The following CROCC variants were observed in gnomAD, a reference collection of about 807,000 sequenced individuals.
The protein encoded by CROCC is rootletin.
A neutral mutation model predicts 245.2 loss-of-function variants in CROCC; 180 were observed. That is an observed-to-expected ratio of 0.73 (90% confidence interval 0.65 to 0.83). The LOEUF is 0.83. Ranked by LOEUF, CROCC falls within the 40% of genes least tolerant of loss-of-function variation. The pLI, the probability that CROCC is intolerant of heterozygous loss-of-function variation, is 0.00. For missense variants in CROCC, 2,688 were observed against 2,779.4 expected, an observed-to-expected ratio of 0.97 and a Z score of 0.74; for synonymous variants, 1,205 against 1,241.6, an observed-to-expected ratio of 0.97 and a Z score of 0.62.
At chr1:16,949,083 G>C (rs1462740790) in intron 19 of CROCC, among the ~76,000 whole-genome samples, 157 bp downstream of exon 19, 319 of 151,984 alleles carry the variant, frequency 2.1e-3, no homozygotes, top group Admixed American at 0.02. Flanking sequence ...ACCTTCCCTT[G>C]AGCAAGCCCC....
chr1:16,921,321 A>G (rs1345051069), upstream of CROCC, among the ~76,000 whole-genome samples: 1 of 152,290 alleles, frequency 6.6e-6, no homozygotes, highest in Non-Finnish European at 1.5e-5. Context: ...CTGAAGGGCA[A>G]GGCTAGGGCA....
chr1:16,931,943 T>C (rs1288339335), intron 8 of CROCC, among the ~76,000 whole-genome samples: 2 of 152,052 alleles, frequency 1.3e-5, no homozygotes, highest in African/African-American at 4.8e-5. Flanking sequence ...TTTTTTTGTA[T>C]TTTAGTAGAG....
At chr1:16,947,698 C>G (rs1222136331) in intron 17 of CROCC, among the ~76,000 whole-genome samples, 3 of 152,226 alleles carry the variant, frequency 2.0e-5, no homozygotes, top group African/African-American at 4.8e-5. Context: ...CAGGTCTCCA[C>G]CTTGAGGCCT....
rs1015527730 is a variant in CROCC at position 16,961,873 on chromosome 1, C to T, written c.4405+743C>T. Among the ~76,000 whole-genome samples the T allele has an allele frequency of 7.2e-5, 11 of 152,148 alleles. No individual in the cohort carries two copies. In the South Asian group the frequency reaches 2.1e-3, roughly 29 times the overall value. On this transcript the variant is annotated intron_variant, in intron 27 of 36. Coordinates refer to ENST00000375541, the MANE Select transcript of CROCC (RefSeq NM_014675.5). ...GCGATCCTCCCACTGGGATTACAGG[C>T]GTGAGCCACCGTGCCTTTCCTGGAC...
At position 16,961,644 on chromosome 1, in the gene CROCC, C is replaced by T. The variant is rs118117327; in HGVS notation, c.4405+514C>T. On this transcript the variant is annotated intron_variant, in intron 27 of 36. Transcript: ENST00000375541. ...TTTGAGACAGGATCTCACTCTGTCA[C>T]CTCAGTTGAAGTGCAGTAGTGTGAT... Among the ~76,000 whole-genome samples, 31 of 152,244 alleles carry T rather than the reference C, an allele frequency of 2.0e-4. No individual in the cohort carries two copies. The East Asian group carries it at 6.0e-3, about 29-fold the overall frequency.
At chr1:16,965,388 T>G (rs1335335884) in intron 27 of CROCC, among the ~76,000 whole-genome samples, 3 of 152,136 alleles carry the variant, frequency 2.0e-5, no homozygotes, top group Admixed American at 2.0e-4. Flanking sequence ...ATGAGCTCAC[T>G]GTAATCCAGC....
At chr1:16,941,420 A>C (rs1387348297) in intron 13 of CROCC, 1 of 151,350 alleles carries the variant, frequency 6.6e-6, no homozygotes, top group Non-Finnish European at 1.5e-5. Flanking sequence ...GCGAGACTCC[A>C]TCTCAAAAAA....
chr1:16,934,040 G>A lies in CROCC; in HGVS notation c.957-2597G>A, dbSNP rs540364169. Among the ~76,000 whole-genome samples, 8 of 152,298 alleles carry A rather than the reference G, an allele frequency of 5.3e-5. No homozygotes were observed. The East Asian group carries it at 5.8e-4, about 11-fold the overall frequency. On this transcript the variant is annotated intron_variant, in intron 8 of 36. Coordinates refer to ENST00000375541, the MANE Select transcript of CROCC (RefSeq NM_014675.5). ...GGATCTAAAGCTAGGTCAGATTCAG[G>A]TTCTTCTGCTTGCTTTTTTGTTTGA...
chr1:16,921,514 A>G (rs940827567), upstream of CROCC, among the ~76,000 whole-genome samples: 2 of 152,282 alleles, frequency 1.3e-5, no homozygotes, highest in African/African-American at 4.8e-5. Flanking sequence ...TACTCCCAGC[A>G]TGCTGTAAAT....
At chr1:16,926,614 C>T (rs1274289538) in intron 3 of CROCC, among the ~76,000 whole-genome samples, 4 of 152,258 alleles carry the variant, frequency 2.6e-5, no homozygotes, top group African/African-American at 4.8e-5. Flanking sequence ...TGAGGCACTC[C>T]CAGAGGCCAC....
intron 17 of CROCC, 141 bp from the exon 18 acceptor site, chr1:16,948,190 T>A: frequency 7.1e-7 from 1 of 1,399,496 alleles, no homozygotes; most frequent in Non-Finnish European, 9.3e-7. Flanking sequence ...CTTGCCCAAG[T>A]ACATGTAGCA....
chr1:16,967,599 G>A (rs550612201), intron 30 of CROCC, among the ~76,000 whole-genome samples: 1 of 152,220 alleles, frequency 6.6e-6, no homozygotes, highest in East Asian at 1.9e-4. Context: ...ATAGGGGCTG[G>A]GGAGGCTCTA....
intron 8 of CROCC, among the ~76,000 whole-genome samples, chr1:16,934,492 A>C (rs1376561945): frequency 6.6e-6 from 1 of 152,218 alleles, no homozygotes; most frequent in Admixed American, 6.5e-5. Context: ...TTTTAGAGAC[A>C]GGGTCTTGCC....
chr1:16,936,535 C>A, intron 8 of CROCC, 102 bp from the exon 9 acceptor site: 1 of 1,234,424 alleles, frequency 8.1e-7, no homozygotes, highest in Non-Finnish European at 1.1e-6. Flanking sequence ...TCCTGAAGTG[C>A]TGGGATTATA....
At chr1:16,919,941 G>A (rs1012324439), upstream of CROCC, among the ~76,000 whole-genome samples, 2 of 152,246 alleles carry the variant, frequency 1.3e-5, no homozygotes, top group African/African-American at 4.8e-5. Flanking sequence ...ACCCAGGCTG[G>A]AGTGCTGTGG....
Position 16,954,830 on chromosome 1 carries a change from G to A in CROCC, c.3418G>A (p.Glu1140Lys), listed in dbSNP as rs1204548386. 1 of 1,550,068 alleles carries A rather than the reference G, an allele frequency of 6.5e-7. No individual in the cohort carries two copies. Among genetic ancestry groups the A allele is most frequent in the African/African-American group, 1.4e-5 (1 of 73,170 alleles). Residue 1140 changes from glutamate to lysine, a missense_variant, in exon 23 of 37, where the codon GAG (glutamate) becomes AAG (lysine). Transcript: ENST00000375541. This position sits in a 1 kb window ranked among gnomAD's most constrained non-coding sequence, Gnocchi z 4.4. ...CGCCCAGGAGGTGAGGAGGCTGCAA[G>A]AGCAGGCCCGAGACCTGGGCAAGCA... ...AHAQEVRRLQ[E>K]QARDLGKQRD... is the part of the protein sequence containing the mutation.
intron 25 of CROCC, among the ~76,000 whole-genome samples, chr1:16,956,970 A>T (rs190956055): frequency 2.6e-5 from 4 of 152,306 alleles, no homozygotes; most frequent in African/African-American, 9.6e-5. Flanking sequence ...GCGCTGCCTC[A>T]CCCAGAGATA....
chr1:16,922,230 C>T (rs2075424484), intron 1 of CROCC, 152 bp downstream of exon 1: 1 of 785,696 alleles, frequency 1.3e-6, no homozygotes, highest in African/African-American at 1.7e-5. Context: ...CAGTTCCTGG[C>T]AAGATGGGGG....
chr1:16,941,740 A>G (rs540440619), intron 13 of CROCC, among the ~76,000 whole-genome samples: 3 of 152,358 alleles, frequency 2.0e-5, no homozygotes, highest in African/African-American at 7.2e-5. Flanking sequence ...TCAAAAAAAA[A>G]AAAAAAAGAA....
Sources: allele counts gnomAD v4.1 joint callset (sites outside exome capture counted in the v4.1 genomes callset), GRCh38; gene constraint gnomAD v4.1.1; non-coding constraint Gnocchi (gnomAD v3.1); transcripts MANE v1.5; gene names NCBI Gene and HGNC (gene_info 2026-07-23, HGNC 2026-07-21).